The following STARD9 variants were observed in gnomAD, a reference collection of about 807,000 sequenced individuals.
STARD9 encodes the protein StAR related lipid transfer domain containing 9, also known as stAR-related lipid transfer protein 9.
STARD9 carries 346 observed loss-of-function variants against 399.8 expected under a neutral mutation model. The ratio of observed to expected loss-of-function variants is 0.87; its 90% CI spans 0.79 to 0.95. The LOEUF is 0.95. Among genes scored for constraint, STARD9 ranks in the 40% least tolerant of loss-of-function variants. The pLI is 0.00. For missense variants in STARD9, 5,832 were observed against 5,667.5 expected (o/e 1.03, Z -0.93); for synonymous variants, 2,203 against 2,143.5 (o/e 1.03, Z -0.77).
chr15:42,692,205 A>G lies in STARD9; in HGVS notation c.10627A>G (p.Ser3543Gly), dbSNP rs1195138806. ...TATTTGTGATCTGTCAACCACACAC[A>G]GCAGCACTGAGAATGCCCAGGGTTC... ...ANICDLSTTHSSTENAQGSNE... is the reference protein window; with the variant it reads ...ANICDLSTTHGSTENAQGSNE... Residue 3543 changes from serine to glycine, a missense_variant, in exon 23 of 33, where the codon AGC becomes GGC. Ser to Gly is a moderately conservative substitution (Grantham distance 56, BLOSUM62 0). Transcript: ENST00000290607. 9.1e-6 allele frequency: 14 copies of G among 1,537,098 alleles called. No homozygotes were observed. Among genetic ancestry groups the G allele is most frequent in the Non-Finnish European group, 1.2e-5 (14 of 1,146,898 alleles).
chr15:42,590,574 T>A (rs1046155428), intron 3 of STARD9, among the ~76,000 whole-genome samples: 2 of 152,166 alleles, frequency 1.3e-5, no homozygotes, highest in African/African-American at 4.8e-5. Context: ...TGTTGGTGCT[T>A]GTGTTAGTCT....
rs536917454 is a variant in STARD9 at position 42,645,369 on chromosome 15, C to T, written c.560-5647C>T. 6.4e-4 allele frequency among the ~76,000 whole-genome samples: 98 copies of T among 152,296 alleles called. No homozygotes were observed. The South Asian group carries it at 0.019, about 29-fold the overall frequency. ...ATGAAAAGAACATTAGCTTCTTGTA[C>T]GTCTCCATCAGAGCCCTTGGGTGAC... On this transcript the variant is annotated intron_variant, in intron 7 of 32. Coordinates refer to ENST00000290607, the MANE Select transcript of STARD9 (RefSeq NM_020759.3).
intron 3 of STARD9, among the ~76,000 whole-genome samples, chr15:42,626,012 C>A (rs1398267887): frequency 6.6e-6 from 1 of 152,078 alleles, no homozygotes; most frequent in African/African-American, 2.4e-5. Flanking sequence ...GCCTCTGCCT[C>A]CTAAGTTCGA....
At position 42,690,625 on chromosome 15, in the gene STARD9, G is replaced by C. The variant is rs2060668766; in HGVS notation, c.9047G>C (p.Gly3016Ala). 5 of 1,537,214 alleles carry C rather than the reference G, an allele frequency of 3.3e-6. No individual in the cohort carries two copies. In the Admixed American group the frequency reaches 5.9e-5, roughly 18 times the overall value. Residue 3016 changes from glycine to alanine, a missense_variant, in exon 23 of 33, where the codon GGA becomes GCA. Physicochemically the swap from Gly to Ala is moderately conservative, Grantham distance 60. Around this residue, in one of 2 missense-constraint regions of STARD9, gnomAD observed 5,828 missense variants for 5,651.1 expected, o/e 1.03. Coordinates refer to ENST00000290607, the MANE Select transcript of STARD9 (RefSeq NM_020759.3). ...EMDETGEISR[G>A]PDVHLTHGLE... ...GATGAGACAGGAGAGATCTCTAGGG[G>C]ACCTGATGTGCACTTGACACATGGC... is the stretch of plus-strand genomic sequence containing the variant.
chr15:42,673,280 T>A (rs2060239808), intron 16 of STARD9, among the ~76,000 whole-genome samples: 1 of 152,014 alleles, frequency 6.6e-6, no homozygotes, highest in African/African-American at 2.4e-5. Context: ...CAGGCACCTG[T>A]AGTCCCAGCT....
intron 26 of STARD9, among the ~76,000 whole-genome samples, chr15:42,713,108 A>C (rs1364158220): frequency 1.3e-5 from 2 of 152,110 alleles, no homozygotes; most frequent in Non-Finnish European, 2.9e-5. Context: ...ATTTAGGTTT[A>C]ATTTCAACAA....
chr15:42,644,299 C>A (rs916971972), intron 7 of STARD9, among the ~76,000 whole-genome samples: 1 of 152,138 alleles, frequency 6.6e-6, no homozygotes, highest in Non-Finnish European at 1.5e-5. Context: ...AGAGACCATC[C>A]TGGCTAACAT....
At position 42,716,757 on chromosome 15, in the gene STARD9, T is replaced by C. The variant is rs2140419938; in HGVS notation, c.13365T>C (p.Ser4455=). Residue 4455 remains serine (S), a synonymous_variant, in exon 27 of 33, where the codon TCT becomes TCC. Transcript: ENST00000290607. ...GCCATTCTGCAGTGAGGAAGAACTC[T>C]GCCTACAGTGAGTTGCGGGGAGTGT... ...RGGHSAVRKN[S]AYSHRASLGS... is the part of the protein sequence containing the mutation. 6.5e-7 allele frequency: 1 copy of C among 1,536,580 alleles called. No homozygotes were observed. The highest frequency in any genetic ancestry group is 2.4e-5 in the East Asian group (1 of 40,912).
rs74012611 is a variant in STARD9 at position 42,663,261 on chromosome 15, T to C, written c.869-20T>C. 4.1e-4 allele frequency: 623 copies of C among 1,517,116 alleles called. 1 individual carries two copies. The African/African-American group carries it at 8.0e-3, about 20-fold the overall frequency. The allele number at this position is 1,517,116 out of a possible 1,614,324, so 94.0% of individuals were successfully genotyped here. ...TTCATAATTCCTTCTTTCTTCCATT[T>C]TCTTTTTTCATCTTTTAAGCCCAGA... is the stretch of plus-strand genomic sequence containing the variant. On this transcript the variant is annotated intron_variant, in intron 11 of 32. Transcript: ENST00000290607.
chr15:42,595,617 C>T (rs942443518), intron 3 of STARD9, among the ~76,000 whole-genome samples: 1 of 152,166 alleles, frequency 6.6e-6, no homozygotes, highest in Non-Finnish European at 1.5e-5. Flanking sequence ...TCCCCTTTTT[C>T]TGATGCATGT....
chr15:42,643,392 C>T (rs2059579115), intron 7 of STARD9, among the ~76,000 whole-genome samples: 1 of 152,166 alleles, frequency 6.6e-6, no homozygotes, highest in Admixed American at 6.6e-5. Context: ...GACGGGGTTT[C>T]ACCATATTGG....
chr15:42,611,808 G>T (rs931641887), intron 3 of STARD9, among the ~76,000 whole-genome samples: 5 of 152,134 alleles, frequency 3.3e-5, no homozygotes, highest in African/African-American at 4.8e-5. Flanking sequence ...AAATAAACTG[G>T]AAACTGTCAG....
rs1297813283 is a variant in STARD9 at position 42,688,496 on chromosome 15, G to A, written c.6918G>A (p.Thr2306=). 7.8e-6 allele frequency: 12 copies of A among 1,537,742 alleles called. No homozygotes were observed. The Admixed American group carries it at 1.4e-4, about 18-fold the overall frequency. ...GTCTCAGCCAGCTTTGTAGGGACAC[G>A]TTTTTCAGGCAGGAAACTGTCAGCC... is the stretch of plus-strand genomic sequence containing the variant. ...FPSLSQLCRD[T]FFRQETVSPL... Residue 2306 remains threonine, a synonymous_variant, in exon 23 of 33, where the codon ACG becomes ACA. Transcript: ENST00000290607.
At position 42,613,160 on chromosome 15, in the gene STARD9, G is replaced by GTA. The variant is rs1338161448; in HGVS notation, c.235-21694_235-21693dup. 9.2e-5 allele frequency among the ~76,000 whole-genome samples: 14 copies of GTA among 152,144 alleles called. No individual in the cohort carries two copies. The East Asian group carries it at 2.5e-3, about 27-fold the overall frequency. On this transcript the variant is annotated intron_variant, in intron 3 of 32. Transcript: ENST00000290607. ...TATATCTGTCATCTGTATAATGAGT[G>GTA]TATGTATCTGTTATCTCTATATAAA...
intron 14 of STARD9, 62 bp from the exon 15 acceptor site, chr15:42,665,724 G>C (rs1007204730): frequency 7.4e-7 from 1 of 1,344,628 alleles, no homozygotes. Context: ...CAAGTGTAAG[G>C]GTGGGACCTA....
At chr15:42,620,595 C>T (rs2059071114) in intron 3 of STARD9, among the ~76,000 whole-genome samples, 1 of 152,148 alleles carries the variant, frequency 6.6e-6, no homozygotes, top group Admixed American at 6.5e-5. Flanking sequence ...AGATTAAGTT[C>T]AGCATCACTT....
intron 28 of STARD9, among the ~76,000 whole-genome samples, 153 bp downstream of exon 28, chr15:42,717,201 C>T (rs12591415): frequency 0.059 from 8,945 of 152,092 alleles, 645 homozygotes; most frequent in African/African-American, 0.18. Flanking sequence ...AAGGGGAATT[C>T]GGGTCAGGCG....
At chr15:42,650,719 C>CTA (rs1360135235) in intron 7 of STARD9, among the ~76,000 whole-genome samples, 1 of 152,148 alleles carries the variant, frequency 6.6e-6, no homozygotes, top group Non-Finnish European at 1.5e-5. Context: ...TTCTTATAAC[C>CTA]TATATAGCAG....
rs780098485 is a variant in STARD9 at position 42,689,998 on chromosome 15, A to G, written c.8420A>G (p.Glu2807Gly). Residue 2807 changes from glutamate (E) to glycine (G), a missense_variant, in exon 23 of 33, where the codon GAA becomes GGA. Glu to Gly is a moderately conservative substitution (Grantham distance 98). Transcript: ENST00000290607. ...AATTTGTTAGTGACTGCACAGGGAG[A>G]AAAAACAGCCCATTTTGAAAGTCAG... ...SDNLLVTAQG[E>G]KTAHFESQSV... The G allele has an allele frequency of 4.4e-5, 68 of 1,537,310 alleles. No individual in the cohort carries two copies. The highest frequency in any genetic ancestry group is 3.5e-5 in the Non-Finnish European group (40 of 1,146,948).
Sources: allele counts gnomAD v4.1 joint callset (sites outside exome capture counted in the v4.1 genomes callset), GRCh38; gene constraint gnomAD v4.1.1; regional missense constraint gnomAD v4.1.1; transcripts MANE v1.5; gene names NCBI Gene and HGNC (gene_info 2026-07-23, HGNC 2026-07-21).